The following RASGEF1C variants were observed in gnomAD, a reference collection of about 807,000 sequenced individuals.
The protein encoded by RASGEF1C is ras-GEF domain-containing family member 1C.
RASGEF1C carries 27 observed loss-of-function variants against 58.1 expected under a neutral mutation model. That is an observed-to-expected ratio of 0.46 (90% CI 0.34 to 0.64). The LOEUF (loss-of-function observed/expected upper bound fraction) is 0.64, where lower values mean the gene tolerates loss of function less well. Ranked by LOEUF, RASGEF1C falls within the 30% of genes least tolerant of loss-of-function variation. RASGEF1C has a pLI of 0.01. For synonymous variants in RASGEF1C, 243 were observed against 246.3 expected (o/e 0.99, Z 0.13); for missense variants, 502 against 605.1 (o/e 0.83, Z 1.79).
At chr5:180,130,165 G>A (rs1766341047) in intron 4 of RASGEF1C, among the ~76,000 whole-genome samples, 1 of 152,220 alleles carries the variant, frequency 6.6e-6, no homozygotes, top group Non-Finnish European at 1.5e-5. Flanking sequence ...CCATTGTCTC[G>A]ACGGTGGTCC....
chr5:180,182,355 C>T (rs997927671), intron 1 of RASGEF1C, among the ~76,000 whole-genome samples: 2 of 151,968 alleles, frequency 1.3e-5, no homozygotes, highest in African/African-American at 2.4e-5. Flanking sequence ...CGGACCTTCA[C>T]GGTGAGTGTT....
intron 1 of RASGEF1C, among the ~76,000 whole-genome samples, chr5:180,142,549 G>A (rs1052014086): frequency 6.6e-6 from 1 of 152,154 alleles, no homozygotes; most frequent in Admixed American, 6.5e-5. Context: ...GAACACTCTC[G>A]AGCAGCACAG....
chr5:180,164,735 T>G (rs1766993089), intron 1 of RASGEF1C, among the ~76,000 whole-genome samples: 1 of 152,228 alleles, frequency 6.6e-6, no homozygotes, highest in South Asian at 2.1e-4. Flanking sequence ...GAATATTCCA[T>G]TTGCACTTGA....
chr5:180,144,944 C>T (rs778563858), intron 1 of RASGEF1C, among the ~76,000 whole-genome samples: 44 of 152,122 alleles, frequency 2.9e-4, no homozygotes, highest in Non-Finnish European at 5.0e-4. Flanking sequence ...TCATCTTTGT[C>T]AAGGTGCACC....
chr5:180,199,666 C>T (rs1367021091), intron 1 of RASGEF1C, among the ~76,000 whole-genome samples: 3 of 151,602 alleles, frequency 2.0e-5, no homozygotes, highest in Non-Finnish European at 4.4e-5. Context: ...TTCCCTCCCT[C>T]TCTCCCTCCC....
At chr5:180,175,789 G>A (rs1450263469) in intron 1 of RASGEF1C, among the ~76,000 whole-genome samples, 1 of 152,102 alleles carries the variant, frequency 6.6e-6, no homozygotes, top group East Asian at 1.9e-4. Context: ...ACGAGGTCAG[G>A]AGATTGAGAC....
At chr5:180,173,780 G>A (rs989525403) in intron 1 of RASGEF1C, among the ~76,000 whole-genome samples, 2 of 152,116 alleles carry the variant, frequency 1.3e-5, no homozygotes, top group African/African-American at 4.8e-5. Flanking sequence ...GGGCGTGGTG[G>A]TGGGCGCCTG....
At chr5:180,192,281 C>T (rs766158051) in intron 1 of RASGEF1C, among the ~76,000 whole-genome samples, 13 of 152,282 alleles carry the variant, frequency 8.5e-5, no homozygotes, top group South Asian at 8.3e-4. Flanking sequence ...CACAGCTCAG[C>T]AATGGACAGG....
intron 11 of RASGEF1C, among the ~76,000 whole-genome samples, chr5:180,111,970 TAAAG>T (rs1765966048): frequency 2.0e-5 from 3 of 152,194 alleles, no homozygotes; most frequent in Non-Finnish European, 4.4e-5. Flanking sequence ...CAACTTTAAA[TAAAG>T]AGCAGTGCAC....
chr5:180,132,507 T>G (rs1016873887), intron 4 of RASGEF1C, among the ~76,000 whole-genome samples: 9 of 152,208 alleles, frequency 5.9e-5, no homozygotes, highest in African/African-American at 2.2e-4. Flanking sequence ...TCCTGCCTAC[T>G]GAATAACAGG....
intron 1 of RASGEF1C, among the ~76,000 whole-genome samples, chr5:180,203,901 G>A (rs1051902654): frequency 2.6e-5 from 4 of 152,136 alleles, no homozygotes; most frequent in African/African-American, 9.7e-5. Flanking sequence ...GCTGAGGCAG[G>A]AGAGTCGCTT....
chr5:180,169,386 C>A (rs1437518139), intron 1 of RASGEF1C, among the ~76,000 whole-genome samples: 1 of 152,164 alleles, frequency 6.6e-6, no homozygotes, highest in Non-Finnish European at 1.5e-5. Flanking sequence ...GAACACATCC[C>A]CTGGCCCCTT....
intron 1 of RASGEF1C, among the ~76,000 whole-genome samples, chr5:180,153,575 ACTT>A (rs978789565): frequency 9.9e-5 from 15 of 152,108 alleles, no homozygotes; most frequent in African/African-American, 1.4e-4. Context: ...GTCTTCCCTG[ACTT>A]CTTCTCATTA....
At chr5:180,117,653 T>C (rs922327766) in intron 10 of RASGEF1C, among the ~76,000 whole-genome samples, 12 of 151,904 alleles carry the variant, frequency 7.9e-5, no homozygotes, top group Non-Finnish European at 1.6e-4. Context: ...GGAGGAAAAA[T>C]AAAATTGATC....
At chr5:180,159,379 A>G (rs574577447) in intron 1 of RASGEF1C, among the ~76,000 whole-genome samples, 2 of 152,280 alleles carry the variant, frequency 1.3e-5, no homozygotes, top group Admixed American at 1.3e-4. Context: ...AGCTCAAGCA[A>G]TCTACCTGTT....
chr5:180,194,920 T>C (rs1756238601), intron 1 of RASGEF1C, among the ~76,000 whole-genome samples: 1 of 152,156 alleles, frequency 6.6e-6, no homozygotes, highest in Admixed American at 6.5e-5. Flanking sequence ...CCACCTGCCT[T>C]TCTTGTGCTT....
chr5:180,182,456 A>G (rs1422920442), intron 1 of RASGEF1C, among the ~76,000 whole-genome samples: 1 of 152,194 alleles, frequency 6.6e-6, no homozygotes, highest in African/African-American at 2.4e-5. Context: ...CAGCTGGAAG[A>G]GAACCCCAGC....
rs75306718 is a variant in RASGEF1C, at chr5:180,119,510, G to A, written c.805-62C>T. The stretch of plus-strand genomic sequence containing the variant: ...CCTCCACCCTGCCCTGATCAGGCCC[G>A]CTCCCCTCACCTGGCCCGCTTCACC... On this transcript the variant is annotated intron_variant, in intron 7 of 13. Transcript: ENST00000361132. The A allele has an allele frequency of 4.5e-3, 5,856 of 1,297,544 alleles. 165 individuals are homozygous for A. The African/African-American group carries it at 0.065, about 14-fold the overall frequency. The allele number at this position is 1,297,544 out of a possible 1,614,324, so 80.4% of individuals were successfully genotyped here. A position where few individuals can be genotyped will look rare whatever the true frequency, so the allele number is the denominator to read the frequency against.
chr5:180,142,538 C>T (rs903779790), intron 1 of RASGEF1C, among the ~76,000 whole-genome samples: 1 of 152,106 alleles, frequency 6.6e-6, no homozygotes, highest in Admixed American at 6.5e-5. Flanking sequence ...ATCCCAGCAG[C>T]GAACACTCTC....
Sources: gnomAD v4.1 joint callset for allele counts (sites outside exome capture counted in the v4.1 genomes callset) on GRCh38, gnomAD v4.1.1 for gene constraint, MANE v1.5 for transcripts, NCBI Gene and HGNC (gene_info 2026-07-23, HGNC 2026-07-21) for gene names.